The following SLC17A2 variants were observed in gnomAD, a reference collection of about 807,000 sequenced individuals.
The protein encoded by SLC17A2 is sodium-dependent phosphate transport protein 3.
In SLC17A2, 38 loss-of-function variants were observed where a neutral mutation model predicts 52.1. The observed-to-expected ratio is 0.73, with a 90% confidence interval of 0.56 to 0.96. The LOEUF is 0.96. Ranked by LOEUF, SLC17A2 falls within the 40% of genes least tolerant of loss-of-function variation. The pLI, the probability that SLC17A2 is intolerant of heterozygous loss-of-function variation, is 0.00. For missense variants in SLC17A2, 508 were observed against 583.9 expected (o/e 0.87, Z 1.34); for synonymous variants, 226 against 211.9 (o/e 1.07, Z -0.58).
At position 25,921,250 on chromosome 6, in the gene SLC17A2, A is replaced by G; in HGVS notation, c.403T>C (p.Phe135Leu). Reference protein sequence around the residue: ...GLLISSLLTLFTPLAADFGVI... With the variant: ...GLLISSLLTLLTPLAADFGVI... ...CCGAAGTCAGCAGCCAGTGGTGTAA[A>G]GAGGGTGAGAAGGGAAGAGATCAGC... The change falls in exon 4 of 12, where the codon TTT becomes CTT. Residue 135 changes from phenylalanine (F) to leucine (L), a missense_variant. Phe to Leu is a conservative substitution (Grantham distance 22). Transcript: ENST00000377850. The G allele has an allele frequency of 6.2e-7, 1 of 1,614,198 alleles. No homozygotes were observed. The highest frequency in any genetic ancestry group is 8.5e-7 in the Non-Finnish European group (1 of 1,180,032).
chr6:25,917,300 T>C (rs955795825), intron 6 of SLC17A2, among the ~76,000 whole-genome samples: 1 of 152,246 alleles, frequency 6.6e-6, no homozygotes, highest in Non-Finnish European at 1.5e-5. Flanking sequence ...AGCCACCATT[T>C]GTCAATGTCA....
At chr6:25,913,990 A>T (rs1256213805) in intron 11 of SLC17A2, among the ~76,000 whole-genome samples, 10 of 152,214 alleles carry the variant, frequency 6.6e-5, no homozygotes, top group Admixed American at 6.5e-4. Context: ...ACTTGATCAC[A>T]TAGAAATGTA....
At chr6:25,919,245 T>C (rs1161656220) in intron 5 of SLC17A2, among the ~76,000 whole-genome samples, 1 of 152,186 alleles carries the variant, frequency 6.6e-6, no homozygotes, top group African/African-American at 2.4e-5. Context: ...ATTTCTATTC[T>C]ATTCTATTCA....
chr6:25,925,683 G>C (rs199742), intron 2 of SLC17A2, 86 bp downstream of exon 2: 3 of 1,205,988 alleles, frequency 2.5e-6, no homozygotes, highest in East Asian at 2.3e-5. Flanking sequence ...CTTTACGAAG[G>C]GTCAGTGTGA....
chr6:25,914,913 T>A (rs1208124716), intron 10 of SLC17A2, among the ~76,000 whole-genome samples: 16 of 151,666 alleles, frequency 1.1e-4, no homozygotes, highest in Non-Finnish European at 2.4e-4. Flanking sequence ...CCCCGGCTGC[T>A]CAGTGGAGAA....
At chr6:25,923,576 C>T (rs1229949114) in intron 3 of SLC17A2, 119 bp downstream of exon 3, 1 of 746,456 alleles carries the variant, frequency 1.3e-6, no homozygotes, top group Non-Finnish European at 2.3e-6. Context: ...AAAATAGTTC[C>T]AGTCAGTTTT....
rs548462464 is a variant in SLC17A2 at position 25,913,068 on chromosome 6, G to A, written c.*249C>T. 1.8e-4 allele frequency: 68 copies of A among 377,600 alleles called. No individual in the cohort carries two copies. Among genetic ancestry groups the A allele is most frequent in the African/African-American group, 1.0e-3 (49 of 49,160 alleles). 23.4% of individuals were successfully genotyped at this position (377,600 alleles called of 1,614,324 possible). The stretch of plus-strand genomic sequence containing the variant: ...AGTTTGTCCAGCTGTTGTCAACCCC[G>A]GGCGCATGCTAGAAACCTCTAAGGA... On this transcript the variant is annotated 3_prime_UTR_variant, in exon 12 of 12. Coordinates refer to ENST00000377850, the MANE Select transcript of SLC17A2 (RefSeq NM_001286123.3).
intron 1 of SLC17A2, among the ~76,000 whole-genome samples, chr6:25,929,383 T>C (rs138436945): frequency 6.6e-6 from 1 of 152,348 alleles, no homozygotes; most frequent in Non-Finnish European, 1.5e-5. Flanking sequence ...TATAATATTC[T>C]AGATACTAGC....
chr6:25,921,641 T>C (rs1766565216), intron 3 of SLC17A2, among the ~76,000 whole-genome samples: 1 of 152,172 alleles, frequency 6.6e-6, no homozygotes, highest in South Asian at 2.1e-4. Flanking sequence ...AAAATGATTA[T>C]ATAGATGAAT....
chr6:25,913,150 C>T lies in SLC17A2; in HGVS notation c.*167G>A. ...CCCCAGACCAATTCATTCAGAATCTCTGGAGTGGGTCCCAAGTATCAGTGT... is the reference window on the plus strand; with the variant it reads ...CCCCAGACCAATTCATTCAGAATCTTTGGAGTGGGTCCCAAGTATCAGTGT... On this transcript the variant is annotated 3_prime_UTR_variant, in exon 12 of 12. Coordinates refer to ENST00000377850, the MANE Select transcript of SLC17A2 (RefSeq NM_001286123.3). The T allele has an allele frequency of 4.4e-6, 3 of 675,956 alleles. No homozygotes were observed. The highest frequency in any genetic ancestry group is 7.7e-6 in the Non-Finnish European group (3 of 390,160). 41.9% of individuals were successfully genotyped at this position (675,956 alleles called of 1,614,324 possible). A position where few individuals can be genotyped will look rare whatever the true frequency, so the allele number is the denominator to read the frequency against.
chr6:25,913,489 A>G (rs1766181239), intron 11 of SLC17A2, 38 bp from the exon 12 acceptor site: 1 of 1,604,170 alleles, frequency 6.2e-7, no homozygotes, highest in Non-Finnish European at 8.5e-7. Flanking sequence ...CAATCTCACA[A>G]GTTCCTTCTA....
Position 25,913,070 on chromosome 6 carries a change from G to C in SLC17A2, c.*247C>G. The stretch of plus-strand genomic sequence containing the variant: ...TTTGTCCAGCTGTTGTCAACCCCGG[G>C]CGCATGCTAGAAACCTCTAAGGAGT... On this transcript the variant is annotated 3_prime_UTR_variant, in exon 12 of 12. Coordinates refer to ENST00000377850, the MANE Select transcript of SLC17A2 (RefSeq NM_001286123.3). 2.6e-6 allele frequency: 1 copy of C among 384,630 alleles called. No individual in the cohort carries two copies. The highest frequency in any genetic ancestry group is 4.7e-6 in the Non-Finnish European group (1 of 214,212). The allele number at this position is 384,630 out of a possible 1,614,324, so 23.8% of individuals were successfully genotyped here.
At chr6:25,918,431 G>T in intron 6 of SLC17A2, 56 bp downstream of exon 6, 1 of 1,170,136 alleles carries the variant, frequency 8.5e-7, no homozygotes, top group Non-Finnish European at 1.3e-6. Context: ...TGGTGTAGGT[G>T]CCAAAATGGA....
chr6:25,918,644 T>C, intron 5 of SLC17A2, 71 bp from the exon 6 acceptor site: 1 of 951,596 alleles, frequency 1.1e-6, no homozygotes, highest in Non-Finnish European at 1.7e-6. Context: ...CCCTAAACAA[T>C]GTCCCAACAG....
At chr6:25,928,951 G>T (rs1289385754) in intron 1 of SLC17A2, among the ~76,000 whole-genome samples, 1 of 152,072 alleles carries the variant, frequency 6.6e-6, no homozygotes, top group Non-Finnish European at 1.5e-5. Context: ...ACACAGTATA[G>T]GTTGAATTTG....
At chr6:25,919,408 T>C (rs926518335) in intron 5 of SLC17A2, among the ~76,000 whole-genome samples, 1 of 152,024 alleles carries the variant, frequency 6.6e-6, no homozygotes, top group Admixed American at 6.6e-5. Context: ...ATAATAATTA[T>C]AAGATTTAGG....
At chr6:25,920,873 G>T in intron 5 of SLC17A2, 133 bp downstream of exon 5, 1 of 730,888 alleles carries the variant, frequency 1.4e-6, no homozygotes. Context: ...TATTTGTGAT[G>T]CAAGTGTCTT....
At chr6:25,924,219 G>A (rs191349681) in intron 2 of SLC17A2, among the ~76,000 whole-genome samples, 13 of 152,228 alleles carry the variant, frequency 8.5e-5, no homozygotes, top group Non-Finnish European at 1.6e-4. Context: ...AAGTGAATGG[G>A]GATGACAGTG....
chr6:25,914,909 C>A (rs1766242586), intron 10 of SLC17A2, among the ~76,000 whole-genome samples: 1 of 151,776 alleles, frequency 6.6e-6, no homozygotes, highest in African/African-American at 2.4e-5. Flanking sequence ...TTTACCCCGG[C>A]TGCTCAGTGG....
Sources: allele counts gnomAD v4.1 joint callset (sites outside exome capture counted in the v4.1 genomes callset), GRCh38; gene constraint gnomAD v4.1.1; transcripts MANE v1.5; gene names NCBI Gene and HGNC (gene_info 2026-07-23, HGNC 2026-07-21).